Variants in ETV1 observed in about 807,000 individuals in gnomAD.
ETV1 encodes the protein ETS translocation variant 1.
A neutral mutation model predicts 62.3 loss-of-function variants in ETV1; 27 were observed. The observed-to-expected ratio is 0.43, with a 90% CI of 0.32 to 0.60. The LOEUF (loss-of-function observed/expected upper bound fraction) is 0.60, where lower values mean the gene tolerates loss of function less well. ETV1 is among the 20% of genes least tolerant of loss of function. The probability of loss-of-function intolerance (pLI) is 0.06; values close to 1 mark genes in which losing one functional copy is unlikely to be tolerated. For synonymous variants in ETV1, 222 were observed against 199.6 expected (o/e 1.11, Z -0.94); for missense variants, 605 against 605.8 (o/e 1.00, Z 0.01).
chr7:13,929,130 A>AAT (rs1785785961), intron 9 of ETV1, among the ~76,000 whole-genome samples: 4 of 152,212 alleles, frequency 2.6e-5, no homozygotes, highest in Admixed American at 2.6e-4. Flanking sequence ...GAATAAGGAT[A>AAT]ATATCAATTA....
rs528770759 is a variant in ETV1, at chr7:13,924,304, T to G, written c.802+7198A>C. Among the ~76,000 whole-genome samples the G allele has an allele frequency of 9.9e-5, 15 of 152,278 alleles. No homozygotes were observed. The South Asian group carries it at 3.1e-3, about 32-fold the overall frequency. ...GTTCATGCAATCAAGGACTTAGAGC[T>G]TGGAAGGGCCATTAATTAGCCACTT... On this transcript the variant is annotated intron_variant, in intron 9 of 13. Coordinates refer to ENST00000430479, the MANE Select transcript of ETV1 (RefSeq NM_004956.5).
At chr7:13,972,482 A>G (rs988123973) in intron 6 of ETV1, among the ~76,000 whole-genome samples, 1 of 152,222 alleles carries the variant, frequency 6.6e-6, no homozygotes, top group Non-Finnish European at 1.5e-5. Flanking sequence ...TTAAACTTAA[A>G]GTAAACAATT....
chr7:13,967,655 T>C (rs895710808), intron 6 of ETV1, among the ~76,000 whole-genome samples: 8 of 152,122 alleles, frequency 5.3e-5, no homozygotes, highest in Middle Eastern at 3.4e-3. Context: ...CAGAAGCAAA[T>C]ATGCATTGTG....
At chr7:13,906,718 A>G in intron 11 of ETV1, 119 bp from the exon 12 acceptor site, 1 of 650,796 alleles carries the variant, frequency 1.5e-6, no homozygotes, top group Non-Finnish European at 2.5e-6. Context: ...ATGGGCATTT[A>G]TGAAATATAT....
intron 12 of ETV1, among the ~76,000 whole-genome samples, chr7:13,904,770 A>G (rs1013745958): frequency 6.6e-6 from 1 of 151,520 alleles, no homozygotes; most frequent in Non-Finnish European, 1.5e-5. Flanking sequence ...AAGAGCACAC[A>G]CTCCCATCAT....
Position 13,891,916 on chromosome 7 carries a change from A to C in ETV1, c.*3950T>G, listed in dbSNP as rs1232649439. The C allele has an allele frequency of 4.3e-6, 1 of 231,608 alleles. No individual in the cohort carries two copies. The highest frequency in any genetic ancestry group is 8.5e-6 in the Non-Finnish European group (1 of 117,170). 14.3% of individuals were successfully genotyped at this position (231,608 alleles called of 1,614,324 possible). On this transcript the variant is annotated 3_prime_UTR_variant, in exon 14 of 14. Transcript: ENST00000430479. Reference sequence around the variant, plus strand: ...TAGGATTCCAAGTAACAAACATCCAAATGACCTTCTCCTCTGTAATGTTTT... The same window carrying C: ...TAGGATTCCAAGTAACAAACATCCACATGACCTTCTCCTCTGTAATGTTTT...
At chr7:13,896,803 C>T (rs1275647318) in intron 13 of ETV1, among the ~76,000 whole-genome samples, 1 of 113,518 alleles carries the variant, frequency 8.8e-6, no homozygotes, top group Non-Finnish European at 1.9e-5. Context: ...GATACACAGC[C>T]TCATTTAAAT....
intron 9 of ETV1, 40 bp from the exon 10 acceptor site, chr7:13,911,347 C>G: frequency 7.0e-7 from 1 of 1,429,094 alleles, no homozygotes; most frequent in Non-Finnish European, 9.8e-7. Flanking sequence ...GAGTCTGGAG[C>G]TGAAACGCTG....
intron 7 of ETV1, among the ~76,000 whole-genome samples, chr7:13,937,331 T>G (rs1466030737): frequency 1.3e-5 from 2 of 152,232 alleles, no homozygotes; most frequent in African/African-American, 4.8e-5. Context: ...ACTTCTTTTG[T>G]GAAATGGTTC....
chr7:13,910,304 A>G (rs1428064076), intron 10 of ETV1, among the ~76,000 whole-genome samples: 4 of 148,794 alleles, frequency 2.7e-5, no homozygotes, highest in Admixed American at 6.8e-5. Context: ...TTTTCATAAT[A>G]ATGTCCTCTC....
At chr7:13,906,147 AG>A in intron 12 of ETV1, 1 of 258,078 alleles carries the variant, frequency 3.9e-6, no homozygotes, top group Non-Finnish European at 7.2e-6. Flanking sequence ...ATGCTCCTTT[AG>A]AAACCCTGAA....
rs114303795 is a variant in ETV1 at position 13,949,918 on chromosome 7, G to A, written c.236-10672C>T. On this transcript the variant is annotated intron_variant, in intron 6 of 13. Coordinates refer to ENST00000430479, the MANE Select transcript of ETV1 (RefSeq NM_004956.5). ...TTTCTTAAATAATATTCTTTAAGGA[G>A]AGCAGCCATTAAAACAAAAATGCCA... Among the ~76,000 whole-genome samples the A allele has an allele frequency of 7.9e-3, 1,199 of 152,134 alleles. 15 individuals are homozygous for A. Among genetic ancestry groups the A allele is most frequent in the African/African-American group, 0.021 (856 of 41,484 alleles).
chr7:13,975,298 G>C (rs1256790813), intron 6 of ETV1, among the ~76,000 whole-genome samples: 1 of 152,104 alleles, frequency 6.6e-6, no homozygotes, highest in Non-Finnish European at 1.5e-5. Flanking sequence ...TGTGATCCCA[G>C]CACTTTGGGA....
At chr7:13,985,716 T>A (rs1319421772) in intron 5 of ETV1, among the ~76,000 whole-genome samples, 1 of 152,174 alleles carries the variant, frequency 6.6e-6, no homozygotes, top group Non-Finnish European at 1.5e-5. Context: ...TCTCTTTGTA[T>A]TTCCCACAAA....
chr7:13,898,804 C>T (rs1583552868), intron 13 of ETV1, among the ~76,000 whole-genome samples: 3 of 152,204 alleles, frequency 2.0e-5, no homozygotes, highest in East Asian at 3.9e-4. Flanking sequence ...AATGACTATA[C>T]TAGAATTTAC....
chr7:13,896,481 T>C (rs1395982643), intron 13 of ETV1, among the ~76,000 whole-genome samples: 1 of 152,140 alleles, frequency 6.6e-6, no homozygotes, highest in African/African-American at 2.4e-5. Context: ...AAATCTGTAC[T>C]TTTAAGGTAC....
intron 6 of ETV1, among the ~76,000 whole-genome samples, chr7:13,942,545 C>A (rs1013763927): frequency 3.9e-5 from 6 of 152,058 alleles, no homozygotes; most frequent in Non-Finnish European, 8.8e-5. Context: ...TTTTTTCTGA[C>A]CCTCTTCGCT....
chr7:13,935,416 G>A (rs1368157133), intron 8 of ETV1, among the ~76,000 whole-genome samples: 1 of 152,180 alleles, frequency 6.6e-6, no homozygotes, highest in Non-Finnish European at 1.5e-5. Flanking sequence ...TAAAGTTTAA[G>A]TGAAGCAATT....
In ETV1 at chr7:13,935,855, T is replaced by A; in HGVS notation, c.407A>T (p.Asn136Ile). ...QKPQVGMRPS[N>I]PPTPSSTPVS... The stretch of plus-strand genomic sequence containing the variant: ...TGGCGTGCTGGATGGTGTGGGGGGG[T>A]TGGAGGGCCTCATTCCCACTTGTGG... The change falls in exon 8 of 14, where the codon AAC (asparagine) becomes ATC (isoleucine). Residue 136 changes from asparagine to isoleucine, a missense_variant. Physicochemically the swap from Asn to Ile is moderately radical, Grantham distance 149 (BLOSUM62 -3). Transcript: ENST00000430479. The A allele has an allele frequency of 1.2e-6, 2 of 1,613,260 alleles. No individual in the cohort carries two copies. The highest frequency in any genetic ancestry group is 1.7e-6 in the Non-Finnish European group (2 of 1,179,644).
Sources: allele counts gnomAD v4.1 joint callset (sites outside exome capture counted in the v4.1 genomes callset), GRCh38; gene constraint gnomAD v4.1.1; transcripts MANE v1.5; gene names NCBI Gene and HGNC (gene_info 2026-07-23, HGNC 2026-07-21).